MGAT4C: variants seen among roughly 807,000 people sequenced by gnomAD.
MGAT4C encodes alpha-1,3-mannosyl-glycoprotein 4-beta-N-acetylglucosaminyltransferase C.
Under a neutral mutation model 40.1 loss-of-function variants are expected in MGAT4C, and 19 were observed. The ratio of observed to expected loss-of-function variants is 0.47; its 90% CI spans 0.33 to 0.70. The LOEUF (loss-of-function observed/expected upper bound fraction) is 0.70. MGAT4C is among the 30% of genes least tolerant of loss of function. The pLI is 0.02. For missense variants in MGAT4C, 491 were observed against 563.2 expected (o/e 0.87, Z 1.30); for synonymous variants, 181 against 187.1 (o/e 0.97, Z 0.27).
At chr12:86,708,342 G>T (rs529987808) in intron 2 of MGAT4C, among the ~76,000 whole-genome samples, 4 of 152,352 alleles carry the variant, frequency 2.6e-5, no homozygotes, top group Admixed American at 2.0e-4. Context: ...GGGAACCTCT[G>T]CTTAGATTTC....
intron 2 of MGAT4C, among the ~76,000 whole-genome samples, chr12:86,550,519 CCT>C (rs898075976): frequency 1.3e-5 from 2 of 152,192 alleles, no homozygotes; most frequent in Admixed American, 6.5e-5. Flanking sequence ...ATGAGTGCCA[CCT>C]CTGGAGTGTG....
chr12:86,291,855 GA>G (rs1953527135), intron 4 of MGAT4C, among the ~76,000 whole-genome samples: 2 of 152,102 alleles, frequency 1.3e-5, no homozygotes, highest in Non-Finnish European at 2.9e-5. Flanking sequence ...TGGAAGATAT[GA>G]AAAATAGCAC....
At chr12:86,232,720 C>G (rs996673153) in intron 1 of MGAT4C, among the ~76,000 whole-genome samples, 4 of 152,186 alleles carry the variant, frequency 2.6e-5, no homozygotes, top group Admixed American at 1.3e-4. Context: ...CCCTCAGCCA[C>G]TCTGGTATTG....
intron 2 of MGAT4C, among the ~76,000 whole-genome samples, chr12:86,527,033 T>C (rs1958897516): frequency 6.6e-6 from 1 of 152,186 alleles, no homozygotes; most frequent in Non-Finnish European, 1.5e-5. Context: ...AACTTCTGTG[T>C]CTTCCCTCTG....
chr12:86,001,664 TG>T (rs1206317556), intron 2 of MGAT4C: 11 of 981,484 alleles, frequency 1.1e-5, no homozygotes, highest in Non-Finnish European at 1.2e-5. Context: ...TGTAAGAAGT[TG>T]GTATAGTCAC....
At chr12:86,692,652 C>A (rs1388664976) in intron 2 of MGAT4C, among the ~76,000 whole-genome samples, 3 of 152,040 alleles carry the variant, frequency 2.0e-5, no homozygotes, top group Non-Finnish European at 4.4e-5. Context: ...TTCTACATAC[C>A]AAGATTTACT....
chr12:86,408,525 TG>T (rs1956534208), intron 3 of MGAT4C, among the ~76,000 whole-genome samples: 1 of 136,604 alleles, frequency 7.3e-6, no homozygotes, highest in Non-Finnish European at 1.5e-5. Context: ...TCTTGCATAT[TG>T]GGTACTTTTT....
At chr12:86,024,720 T>G (rs1890094324) in intron 2 of MGAT4C, among the ~76,000 whole-genome samples, 1 of 151,798 alleles carries the variant, frequency 6.6e-6, no homozygotes, top group Non-Finnish European at 1.5e-5. Context: ...TTAACTATCC[T>G]ACAGCCTACT....
In MGAT4C at chr12:86,221,263, C is replaced by T. The variant is rs763287929; in HGVS notation, c.-57+34976G>A. 9.9e-5 allele frequency among the ~76,000 whole-genome samples: 15 copies of T among 152,166 alleles called. 1 individual carries two copies. The highest frequency in any genetic ancestry group is 2.9e-4 in the African/African-American group (12 of 41,524). On this transcript the variant is annotated intron_variant, in intron 1 of 4. Coordinates refer to ENST00000611864, the MANE Select transcript of MGAT4C (RefSeq NM_001351288.2). Reference sequence around the variant, plus strand: ...GGTATTTTATCCCCCTGATAACTATCGTAATAGTTTTCCTGGTGTGCCATA... The same window carrying T: ...GGTATTTTATCCCCCTGATAACTATTGTAATAGTTTTCCTGGTGTGCCATA...
At chr12:86,307,443 T>A (rs1953962493) in intron 4 of MGAT4C, among the ~76,000 whole-genome samples, 1 of 150,470 alleles carries the variant, frequency 6.6e-6, no homozygotes, top group Non-Finnish European at 1.5e-5. Flanking sequence ...ATGCATTCCA[T>A]TTAAAGTGAT....
At chr12:86,149,084 T>C (rs1296268317) in intron 1 of MGAT4C, among the ~76,000 whole-genome samples, 1 of 152,160 alleles carries the variant, frequency 6.6e-6, no homozygotes, top group Non-Finnish European at 1.5e-5. Flanking sequence ...AGGTTAATAA[T>C]TGAAGAATGA....
At chr12:86,401,258 A>G (rs996751799) in intron 3 of MGAT4C, among the ~76,000 whole-genome samples, 9 of 147,900 alleles carry the variant, frequency 6.1e-5, no homozygotes, top group Non-Finnish European at 1.0e-4. Context: ...TAACATATAT[A>G]TATGTGTGTG....
intron 1 of MGAT4C, among the ~76,000 whole-genome samples, chr12:86,748,602 T>C (rs939550625): frequency 1.3e-5 from 2 of 151,364 alleles, no homozygotes; most frequent in Non-Finnish European, 3.0e-5. Context: ...GAAATCAGAG[T>C]AGGAGAATGA....
chr12:86,121,942 A>G (rs1277081700), intron 1 of MGAT4C, among the ~76,000 whole-genome samples: 1 of 152,210 alleles, frequency 6.6e-6, no homozygotes, highest in Non-Finnish European at 1.5e-5. Context: ...AATTGTGATC[A>G]TAACAGCTCA....
intron 4 of MGAT4C, among the ~76,000 whole-genome samples, chr12:86,308,944 A>G (rs1954005876): frequency 1.3e-5 from 2 of 150,694 alleles, no homozygotes; most frequent in African/African-American, 2.5e-5. Context: ...ATCTGTAACC[A>G]GAGAGCTATA....
intron 2 of MGAT4C, among the ~76,000 whole-genome samples, chr12:86,443,044 T>G (rs1316184177): frequency 6.6e-6 from 1 of 152,178 alleles, no homozygotes; most frequent in Non-Finnish European, 1.5e-5. Context: ...TATTATGGTA[T>G]AGCATAAACA....
chr12:86,721,760 T>C (rs1950740937), intron 2 of MGAT4C, among the ~76,000 whole-genome samples: 2 of 152,110 alleles, frequency 1.3e-5, no homozygotes, highest in South Asian at 2.1e-4. Context: ...AACGTAAGAT[T>C]GAACAAAAAA....
chr12:86,530,514 C>A (rs192995825), intron 2 of MGAT4C, among the ~76,000 whole-genome samples: 19 of 152,046 alleles, frequency 1.2e-4, no homozygotes, highest in Admixed American at 1.2e-3. Flanking sequence ...CTTTTAAAAG[C>A]AACACTAACT....
At chr12:85,984,376 T>TTG (rs546269888) in intron 3 of MGAT4C, among the ~76,000 whole-genome samples, 635 of 150,014 alleles carry the variant, frequency 4.2e-3, no homozygotes, top group South Asian at 0.018. Context: ...ATAGTTAAGT[T>TTG]TGTGTGTGTG....
Sources: gnomAD v4.1 joint callset for allele counts (sites outside exome capture counted in the v4.1 genomes callset) on GRCh38, gnomAD v4.1.1 for gene constraint, MANE v1.5 for transcripts, NCBI Gene and HGNC (gene_info 2026-07-23, HGNC 2026-07-21) for gene names.